Variants in PDE1A observed in about 807,000 individuals in gnomAD.
PDE1A encodes the protein phosphodiesterase 1A.
In PDE1A, 35 loss-of-function variants were observed where a neutral mutation model predicts 61.7. The ratio of observed to expected loss-of-function variants is 0.57; its 90% CI spans 0.43 to 0.75. The LOEUF is 0.75. PDE1A is among the 30% of genes least tolerant of loss of function. PDE1A has a pLI of 0.00. For missense variants in PDE1A, 597 were observed against 630.6 expected, an observed-to-expected ratio of 0.95 and a Z score of 0.57; for synonymous variants, 232 against 213.2, an observed-to-expected ratio of 1.09 and a Z score of -0.77.
chr2:182,274,146 T>C (rs1365133599), intron 1 of PDE1A, among the ~76,000 whole-genome samples: 11 of 151,978 alleles, frequency 7.2e-5, no homozygotes, highest in Admixed American at 7.2e-4. Context: ...GCCCCCATGA[T>C]CTAATCACCT....
the PDE1A span, among the ~76,000 whole-genome samples, chr2:182,649,007 G>A: frequency 6.6e-6 from 1 of 152,300 alleles, no homozygotes; most frequent in Non-Finnish European, 1.5e-5. Flanking sequence ...ACAAGTGGGT[G>A]GGGAAACACA....
chr2:182,202,134 A>G (rs1260578015), intron 8 of PDE1A, among the ~76,000 whole-genome samples: 4 of 152,212 alleles, frequency 2.6e-5, no homozygotes, highest in Non-Finnish European at 1.5e-5. Context: ...AAGAAAAACT[A>G]TTCCAAATAC....
chr2:182,544,955 A>G, the PDE1A span, among the ~76,000 whole-genome samples: 1 of 152,188 alleles, frequency 6.6e-6, no homozygotes, highest in Non-Finnish European at 1.5e-5. Context: ...GTCTCATTTT[A>G]TCATTTACTA....
At chr2:182,343,214 G>A (rs552680307) in intron 1 of PDE1A, among the ~76,000 whole-genome samples, 36 of 152,148 alleles carry the variant, frequency 2.4e-4, no homozygotes, top group Non-Finnish European at 4.4e-4. Flanking sequence ...TTCAGGTATA[G>A]TCACAGTTCA....
chr2:182,386,115 G>A (rs773846384), intron 1 of PDE1A, among the ~76,000 whole-genome samples: 8 of 152,200 alleles, frequency 5.3e-5, no homozygotes, highest in Non-Finnish European at 1.2e-4. Context: ...CTGAGGTGCC[G>A]GGATTGCGGA....
At chr2:182,695,249 G>C in the PDE1A span, among the ~76,000 whole-genome samples, 5 of 152,052 alleles carry the variant, frequency 3.3e-5, no homozygotes, top group Non-Finnish European at 7.4e-5. Flanking sequence ...ATTCATAAGA[G>C]AAGAGAGGTC....
chr2:182,682,675 C>G, the PDE1A span, among the ~76,000 whole-genome samples: 1 of 152,154 alleles, frequency 6.6e-6, no homozygotes, highest in Non-Finnish European at 1.5e-5. Flanking sequence ...TTTCTCATTT[C>G]CCTCAAAACT....
At chr2:182,333,184 T>A (rs1331145747) in intron 1 of PDE1A, among the ~76,000 whole-genome samples, 1 of 152,034 alleles carries the variant, frequency 6.6e-6, no homozygotes, top group African/African-American at 2.4e-5. Flanking sequence ...GACAGAAAAT[T>A]AACAAGGACA....
At chr2:182,568,183 A>T in the PDE1A span, among the ~76,000 whole-genome samples, 282 of 152,236 alleles carry the variant, frequency 1.9e-3, 5 homozygotes, top group Admixed American at 0.015. Flanking sequence ...TTTAAAATGT[A>T]ACAGTATTGT....
At chr2:182,458,284 TA>T (rs199674401) in intron 2 of PDE1A, among the ~76,000 whole-genome samples, 1 of 151,840 alleles carries the variant, frequency 6.6e-6, no homozygotes, top group East Asian at 1.9e-4. Flanking sequence ...GCATTCATAA[TA>T]AAAAAACAAA....
chr2:182,259,627 G>A (rs1320066437), intron 2 of PDE1A, among the ~76,000 whole-genome samples: 1 of 152,188 alleles, frequency 6.6e-6, no homozygotes, highest in Non-Finnish European at 1.5e-5. Flanking sequence ...GTATTAAGTA[G>A]AGAATCCAGA....
At chr2:182,630,368 T>G in the PDE1A span, among the ~76,000 whole-genome samples, 1 of 152,210 alleles carries the variant, frequency 6.6e-6, no homozygotes, top group Admixed American at 6.5e-5. Flanking sequence ...AACCGTGATT[T>G]TCCCAATGAG....
upstream of PDE1A, among the ~76,000 whole-genome samples, chr2:182,527,861 T>G (rs971548083): frequency 1.3e-5 from 2 of 152,124 alleles, no homozygotes; most frequent in Admixed American, 6.5e-5. Flanking sequence ...TGTAAGCCTT[T>G]TGCTTGGCTC....
chr2:182,688,476 GC>G, the PDE1A span, among the ~76,000 whole-genome samples: 1 of 152,132 alleles, frequency 6.6e-6, no homozygotes, highest in Non-Finnish European at 1.5e-5. Context: ...ACAAGCAAAT[GC>G]CGAGAGATTT....
chr2:182,329,195 C>T (rs1279304656), intron 1 of PDE1A, among the ~76,000 whole-genome samples: 2 of 152,070 alleles, frequency 1.3e-5, no homozygotes, highest in Admixed American at 1.3e-4. Flanking sequence ...TTTAAATTGC[C>T]AACCTCCTAT....
At chr2:182,548,744 T>C in the PDE1A span, among the ~76,000 whole-genome samples, 2 of 152,192 alleles carry the variant, frequency 1.3e-5, no homozygotes, top group African/African-American at 2.4e-5. Flanking sequence ...CACTAGTATA[T>C]TTTCCCCACT....
At chr2:182,595,936 C>T in the PDE1A span, among the ~76,000 whole-genome samples, 1 of 152,114 alleles carries the variant, frequency 6.6e-6, no homozygotes, top group Non-Finnish European at 1.5e-5. Flanking sequence ...ATGCTAGGGC[C>T]CATCCAGACA....
chr2:182,654,803 A>T, the PDE1A span, among the ~76,000 whole-genome samples: 1 of 152,132 alleles, frequency 6.6e-6, no homozygotes, highest in Non-Finnish European at 1.5e-5. Flanking sequence ...CCCATCTGAC[A>T]TCAGTCTTCT....
the PDE1A span, among the ~76,000 whole-genome samples, chr2:182,592,317 G>C: frequency 2.0e-5 from 3 of 152,174 alleles, no homozygotes; most frequent in Non-Finnish European, 4.4e-5. Flanking sequence ...CAACAAAAAT[G>C]ATTTTGCTCA....
Sources: allele counts gnomAD v4.1 joint callset (sites outside exome capture counted in the v4.1 genomes callset), GRCh38; gene constraint gnomAD v4.1.1; transcripts MANE v1.5; gene names NCBI Gene and HGNC (gene_info 2026-07-23, HGNC 2026-07-21).